CAMK1D: variants seen among roughly 807,000 people sequenced by gnomAD.
CAMK1D encodes calcium/calmodulin dependent protein kinase ID.
Under a neutral mutation model 47.7 loss-of-function variants are expected in CAMK1D, and 9 were observed. The observed-to-expected ratio is 0.19, with a 90% CI of 0.11 to 0.33. CAMK1D has a LOEUF of 0.33. Among genes scored for constraint, CAMK1D ranks in the 10% least tolerant of loss-of-function variants. The pLI, the probability that CAMK1D is intolerant of heterozygous loss-of-function variation, is 1.00. For missense variants in CAMK1D, 291 were observed against 488.7 expected (o/e 0.60, Z 3.81); for synonymous variants, 184 against 184.9 (o/e 0.99, Z 0.04).
chr10:12,708,366 C>T (rs777133308), intron 3 of CAMK1D, among the ~76,000 whole-genome samples: 13 of 152,068 alleles, frequency 8.5e-5, no homozygotes, highest in Non-Finnish European at 1.5e-4. Context: ...AAGAAGGAAG[C>T]GCCGTAACTC....
intron 3 of CAMK1D, among the ~76,000 whole-genome samples, chr10:12,680,370 G>A (rs1840950490): frequency 6.6e-6 from 1 of 152,112 alleles, no homozygotes; most frequent in African/African-American, 2.4e-5. Context: ...AAAAGTAGAG[G>A]GTTTTTAGTT....
intron 2 of CAMK1D, among the ~76,000 whole-genome samples, chr10:12,576,116 T>C (rs1837482310): frequency 1.3e-5 from 2 of 152,256 alleles, no homozygotes; most frequent in South Asian, 4.1e-4. Flanking sequence ...TGAACTGCAT[T>C]GTTCCTAAGT....
Position 12,730,506 on chromosome 10 carries a change from T to C in CAMK1D, c.300-30442T>C, listed in dbSNP as rs183746884. ...TAAAAGCCTGGGCTATAGATACACA[T>C]TGGGGGTGGAGGGGACCATTGGTGT... On this transcript the variant is annotated intron_variant, in intron 3 of 10. Coordinates refer to ENST00000619168, the MANE Select transcript of CAMK1D (RefSeq NM_153498.4). Among the ~76,000 whole-genome samples the C allele has an allele frequency of 2.2e-3, 342 of 152,114 alleles. 3 individuals carry two copies. Among genetic ancestry groups the C allele is most frequent in the Middle Eastern group, 0.014 (4 of 294 alleles).
chr10:12,737,874 G>A (rs1439537897), intron 3 of CAMK1D, among the ~76,000 whole-genome samples: 1 of 152,124 alleles, frequency 6.6e-6, no homozygotes, highest in Non-Finnish European at 1.5e-5. Flanking sequence ...TGTATAATAT[G>A]AGACTCCTAT....
chr10:12,774,811 G>A (rs1001693120), intron 5 of CAMK1D, among the ~76,000 whole-genome samples: 12 of 152,236 alleles, frequency 7.9e-5, no homozygotes, highest in Non-Finnish European at 1.6e-4. Context: ...TAGGTTGCGC[G>A]CTCCTTTTGA....
At chr10:12,447,906 G>A (rs184116440) in intron 1 of CAMK1D, among the ~76,000 whole-genome samples, 14 of 152,162 alleles carry the variant, frequency 9.2e-5, no homozygotes, top group African/African-American at 3.4e-4. Context: ...AGGCTAGGGT[G>A]CAATGGCACA....
chr10:12,613,933 C>T (rs972027577), intron 2 of CAMK1D, among the ~76,000 whole-genome samples: 8 of 152,128 alleles, frequency 5.3e-5, no homozygotes, highest in Admixed American at 3.3e-4. Flanking sequence ...CCTGTAAGTG[C>T]GGGAGTCTGA....
At chr10:12,483,814 G>A (rs1012200157) in intron 1 of CAMK1D, among the ~76,000 whole-genome samples, 2 of 152,126 alleles carry the variant, frequency 1.3e-5, no homozygotes, top group Non-Finnish European at 2.9e-5. Context: ...TGCCTCCCTA[G>A]TAGCTGAGAT....
At chr10:12,636,127 T>C (rs1839506672) in intron 2 of CAMK1D, among the ~76,000 whole-genome samples, 1 of 152,236 alleles carries the variant, frequency 6.6e-6, no homozygotes, top group African/African-American at 2.4e-5. Context: ...CACATTGTTA[T>C]ATGATCCTTA....
At chr10:12,453,515 T>C (rs958328405) in intron 1 of CAMK1D, among the ~76,000 whole-genome samples, 1 of 152,192 alleles carries the variant, frequency 6.6e-6, no homozygotes, top group African/African-American at 2.4e-5. Flanking sequence ...TAAGGCCGAA[T>C]AATATTCCAT....
At chr10:12,604,468 T>A (rs1838392574) in intron 2 of CAMK1D, among the ~76,000 whole-genome samples, 1 of 152,208 alleles carries the variant, frequency 6.6e-6, no homozygotes, top group South Asian at 2.1e-4. Flanking sequence ...GAAGCTGAAC[T>A]TTTGCCTCAC....
chr10:12,463,175 G>T (rs189267294), intron 1 of CAMK1D, among the ~76,000 whole-genome samples: 75 of 143,080 alleles, frequency 5.2e-4, no homozygotes, highest in Admixed American at 1.5e-3. Context: ...TTTCTCTGTC[G>T]TTCAGGCAGG....
intron 1 of CAMK1D, among the ~76,000 whole-genome samples, chr10:12,485,698 G>A (rs549153448): frequency 6.6e-6 from 1 of 152,274 alleles, no homozygotes; most frequent in East Asian, 1.9e-4. Context: ...AAATGTTAAC[G>A]TTTTCTCGAG....
Position 12,509,133 on chromosome 10 carries a change from A to G in CAMK1D, c.93-44092A>G, listed in dbSNP as rs373396951. Among the ~76,000 whole-genome samples the G allele has an allele frequency of 7.2e-5, 11 of 152,110 alleles. 1 individual carries two copies. In the East Asian group the frequency reaches 1.7e-3, roughly 24 times the overall value. ...GCCCAGAGAGAGAGGTCAGGGGGGA[A>G]CCTTCCTCTGGATAATTGCACGACT... On this transcript the variant is annotated intron_variant, in intron 1 of 10. Coordinates refer to ENST00000619168, the MANE Select transcript of CAMK1D (RefSeq NM_153498.4).
intron 2 of CAMK1D, among the ~76,000 whole-genome samples, chr10:12,584,876 G>A (rs894913544): frequency 1.3e-5 from 2 of 152,070 alleles, no homozygotes; most frequent in African/African-American, 2.4e-5. Flanking sequence ...TAAAATCGAG[G>A]TTCCTTGAAT....
At chr10:12,550,298 ACCACCCAT>A (rs768710499) in intron 1 of CAMK1D, among the ~76,000 whole-genome samples, 46 of 152,202 alleles carry the variant, frequency 3.0e-4, no homozygotes, top group Non-Finnish European at 6.6e-4. Context: ...CTGGTATAAA[ACCACCCAT>A]GGTGCTTGAA....
At chr10:12,765,288 G>T (rs11257976) in intron 4 of CAMK1D, among the ~76,000 whole-genome samples, 1 of 152,090 alleles carries the variant, frequency 6.6e-6, no homozygotes, top group South Asian at 2.1e-4. Context: ...ACTTGACATG[G>T]TAAGGAAGGC....
At chr10:12,603,843 A>G (rs1715465381) in intron 2 of CAMK1D, among the ~76,000 whole-genome samples, 1 of 152,142 alleles carries the variant, frequency 6.6e-6, no homozygotes, top group African/African-American at 2.4e-5. Context: ...CCCCATCTCC[A>G]GCCCTGGAAC....
intron 6 of CAMK1D, among the ~76,000 whole-genome samples, chr10:12,812,710 C>T (rs1408445672): frequency 2.6e-5 from 4 of 152,156 alleles, no homozygotes; most frequent in African/African-American, 9.7e-5. Flanking sequence ...CTGCATTGCC[C>T]CTGGCCTTCT....
Sources: gnomAD v4.1 joint callset for allele counts (sites outside exome capture counted in the v4.1 genomes callset) on GRCh38, gnomAD v4.1.1 for gene constraint, MANE v1.5 for transcripts, NCBI Gene and HGNC (gene_info 2026-07-23, HGNC 2026-07-21) for gene names.